ZNF25: variants seen among roughly 807,000 people sequenced by gnomAD.
ZNF25 encodes the protein zinc finger protein 25 (KOX 19).
In ZNF25, 21 loss-of-function variants were observed where a neutral mutation model predicts 30.9. The observed-to-expected ratio is 0.68, with a 90% CI of 0.48 to 0.98. ZNF25 has a LOEUF of 0.98. Among genes scored for constraint, ZNF25 ranks in the 50% least tolerant of loss-of-function variants. ZNF25 has a pLI of 0.00. For missense variants in ZNF25, 501 were observed against 529.9 expected (o/e 0.95, Z 0.54); for synonymous variants, 169 against 181.3 (o/e 0.93, Z 0.55).
At chr10:37,960,434 G>T (rs2062792589) in intron 2 of ZNF25, among the ~76,000 whole-genome samples, 1 of 146,368 alleles carries the variant, frequency 6.8e-6, no homozygotes, top group African/African-American at 2.5e-5. Flanking sequence ...CTAACACAGT[G>T]AGACCCCGTC....
chr10:37,959,742 TG>T (rs1177616431), intron 2 of ZNF25, among the ~76,000 whole-genome samples: 1 of 151,934 alleles, frequency 6.6e-6, no homozygotes, highest in Non-Finnish European at 1.5e-5. Context: ...CCTGAGTAGC[TG>T]GGACTATAGG....
chr10:37,957,498 A>G lies in ZNF25; in HGVS notation c.64T>C (p.Trp22Arg), dbSNP rs1363401545. The G allele has an allele frequency of 6.2e-7, 1 of 1,613,934 alleles. No individual in the cohort carries two copies. Among genetic ancestry groups the G allele is most frequent in the Admixed American group, 1.7e-5 (1 of 60,004 alleles). Residue 22 changes from tryptophan to arginine, a missense_variant, in exon 3 of 6, where the codon TGG becomes CGG. Trp to Arg is a moderately radical substitution (Grantham distance 101). Transcript: ENST00000302609. The stretch of plus-strand genomic sequence containing the variant: ...CTCTGAGCAGGGGTCAGTAACTTCC[A>G]TTCTTCCTTGGTGAATTCCACAATA... ...DVIVEFTKEE[W>R]KLLTPAQRTL...
chr10:37,963,817 A>G (rs1425114461), intron 2 of ZNF25, among the ~76,000 whole-genome samples: 1 of 152,180 alleles, frequency 6.6e-6, no homozygotes, highest in Admixed American at 6.5e-5. Context: ...TCTACTAAAA[A>G]TACAAAAATT....
chr10:37,957,262 C>G, intron 3 of ZNF25, 147 bp from the exon 4 acceptor site: 2 of 1,269,816 alleles, frequency 1.6e-6, no homozygotes, highest in Non-Finnish European at 2.2e-6. Flanking sequence ...GAGAGGGACA[C>G]AAATATTTTT....
rs1000863817 is a variant in ZNF25 at position 37,951,589 on chromosome 10, T to C, written c.*538A>G. The C allele has an allele frequency of 3.9e-5, 6 of 152,310 alleles. No individual in the cohort carries two copies. The highest frequency in any genetic ancestry group is 1.4e-4 in the African/African-American group (6 of 41,462). 9.4% of individuals were successfully genotyped at this position (152,310 alleles called of 1,614,324 possible). ...GAACACCTTCCAAATATTTAAAATA[T>C]CTATCCAAGTACCAGTGATCTGAAA... On this transcript the variant is annotated 3_prime_UTR_variant, in exon 6 of 6. Coordinates refer to ENST00000302609, the MANE Select transcript of ZNF25 (RefSeq NM_145011.4).
chr10:37,971,606 G>A (rs887015152), intron 2 of ZNF25, 102 bp downstream of exon 2: 12 of 1,551,732 alleles, frequency 7.7e-6, no homozygotes, highest in Non-Finnish European at 1.1e-5. Context: ...TTAGTATATG[G>A]GCTCTCGTTC....
chr10:37,952,793 A>G lies in ZNF25; in HGVS notation c.705T>C (p.Cys235=). 1 of 1,614,046 alleles carries G rather than the reference A, an allele frequency of 6.2e-7. No homozygotes were observed. The highest frequency in any genetic ancestry group is 8.5e-7 in the Non-Finnish European group (1 of 1,179,992). ...ATGCCTTCACATAGAAGAACTTCCC[A>G]CATTCAGTACATTCAAAAGGTTTCT... ...TGEKPFECTE[C]GKFFYVKAYL... Residue 235 remains cysteine (C), a synonymous_variant, in exon 6 of 6, where the codon TGT becomes TGC. Transcript: ENST00000302609.
intron 1 of ZNF25, among the ~76,000 whole-genome samples, chr10:37,972,184 C>T (rs914808688): frequency 6.6e-6 from 1 of 152,144 alleles, no homozygotes; most frequent in African/African-American, 2.4e-5. Flanking sequence ...ATATCATAAC[C>T]ATTTTTTTCT....
At chr10:37,955,876 G>T (rs1308107000) in intron 4 of ZNF25, among the ~76,000 whole-genome samples, 1 of 151,990 alleles carries the variant, frequency 6.6e-6, no homozygotes, top group Admixed American at 6.6e-5. Flanking sequence ...TAGAGACAGG[G>T]TTTCACCATG....
intron 2 of ZNF25, among the ~76,000 whole-genome samples, chr10:37,964,452 T>C (rs1009285900): frequency 1.3e-5 from 2 of 152,180 alleles, no homozygotes; most frequent in African/African-American, 4.8e-5. Context: ...GCTAAGCTGA[T>C]GAGGTCTCAG....
At position 37,953,113 on chromosome 10, in the gene ZNF25, G is replaced by A; in HGVS notation, c.385C>T (p.Gln129Ter). Residue 129 changes from glutamine (Q) to a stop codon, truncating the protein, a stop_gained, in exon 6 of 6, where the codon CAG becomes TAG. Coordinates refer to ENST00000302609, the MANE Select transcript of ZNF25 (RefSeq NM_145011.4). LOFTEE classifies it high-confidence loss of function. ...TGATGTACTATGAGGGCAGACTTCT[G>A]GCAGAAGAACTTCCCACATTCCTTA... The part of the protein sequence containing the change: ...ECKECGKFFC[Q>*]KSALIVHQHT... 1 of 1,612,606 alleles carries A rather than the reference G, an allele frequency of 6.2e-7. No homozygotes were observed. Among genetic ancestry groups the A allele is most frequent in the Non-Finnish European group, 8.5e-7 (1 of 1,179,674 alleles).
chr10:37,957,407 A>T lies in ZNF25; in HGVS notation c.142+13T>A. ...AAACTACTGGGATTTACACCTGGGG[A>T]AGTTTTCCTCACCCACTGAGACAAG... On this transcript the variant is annotated intron_variant, in intron 3 of 5. Coordinates refer to ENST00000302609, the MANE Select transcript of ZNF25 (RefSeq NM_145011.4). 1 of 1,609,532 alleles carries T rather than the reference A, an allele frequency of 6.2e-7. No homozygotes were observed. Among genetic ancestry groups the T allele is most frequent in the Non-Finnish European group, 8.5e-7 (1 of 1,177,886 alleles).
chr10:37,953,362 G>T, intron 5 of ZNF25, 167 bp from the exon 6 acceptor site: 1 of 664,284 alleles, frequency 1.5e-6, no homozygotes, highest in Non-Finnish European at 2.5e-6. Flanking sequence ...TCTCTGACCT[G>T]CACTGTAGTT....
At chr10:37,967,444 G>C (rs576225635) in intron 2 of ZNF25, among the ~76,000 whole-genome samples, 4 of 150,640 alleles carry the variant, frequency 2.7e-5, no homozygotes, top group Admixed American at 2.7e-4. Context: ...TTCTGAGACA[G>C]GGTCTCACTG....
At position 37,952,110 on chromosome 10, in the gene ZNF25, G is replaced by T. The variant is rs1257926022; in HGVS notation, c.*17C>A. On this transcript the variant is annotated 3_prime_UTR_variant, in exon 6 of 6. Coordinates refer to ENST00000302609, the MANE Select transcript of ZNF25 (RefSeq NM_145011.4). Reference sequence around the variant, plus strand: ...TTTTGAAGGATTAATTCAGTCAAGAGAATTTCCCAACTCATCTTACTTCTC... The same window carrying T: ...TTTTGAAGGATTAATTCAGTCAAGATAATTTCCCAACTCATCTTACTTCTC... 6.5e-7 allele frequency: 1 copy of T among 1,536,122 alleles called. No individual in the cohort carries two copies. Among genetic ancestry groups the T allele is most frequent in the African/African-American group, 1.4e-5 (1 of 72,310 alleles).
chr10:37,958,840 G>A (rs1217659767), intron 2 of ZNF25, among the ~76,000 whole-genome samples: 1 of 152,152 alleles, frequency 6.6e-6, no homozygotes, highest in Non-Finnish European at 1.5e-5. Flanking sequence ...CTGAAGGCAG[G>A]AGTTTGAGAC....
At chr10:37,971,830 A>G (rs903994579) in intron 1 of ZNF25, 23 bp from the exon 2 acceptor site, 3 of 1,480,340 alleles carry the variant, frequency 2.0e-6, no homozygotes, top group African/African-American at 1.4e-5. Context: ...TCCATACAAC[A>G]TTTTAGTAAA....
chr10:37,961,722 G>C (rs1054817163), intron 2 of ZNF25, among the ~76,000 whole-genome samples: 1 of 150,336 alleles, frequency 6.7e-6, no homozygotes, highest in African/African-American at 2.5e-5. Flanking sequence ...GGGAGTTCGA[G>C]ACCAGCCTGA....
chr10:37,961,922 CAAAAAAAAA>C, intron 2 of ZNF25, among the ~76,000 whole-genome samples: 1 of 39,080 alleles, frequency 2.6e-5, no homozygotes, highest in Non-Finnish European at 4.9e-5. Context: ...AACTCCATCT[CAAAAAAAAA>C]AAAAAAAAAA....
Sources: allele counts gnomAD v4.1 joint callset (sites outside exome capture counted in the v4.1 genomes callset), GRCh38; gene constraint gnomAD v4.1.1; transcripts MANE v1.5; gene names NCBI Gene and HGNC (gene_info 2026-07-23, HGNC 2026-07-21).